The following CTNNA3 variants were observed in gnomAD, a reference collection of about 807,000 sequenced individuals.
CTNNA3 encodes catenin alpha 3, also known as catenin alpha-3.
CTNNA3 carries 76 observed loss-of-function variants against 95.7 expected under a neutral mutation model. That is an observed-to-expected ratio of 0.79 (90% CI 0.66 to 0.96). CTNNA3 has a LOEUF of 0.96. Ranked by LOEUF, CTNNA3 falls within the 40% of genes least tolerant of loss-of-function variation. CTNNA3 has a pLI of 0.00. For synonymous variants in CTNNA3, 431 were observed against 374.4 expected, an observed-to-expected ratio of 1.15 and a Z score of -1.74; for missense variants, 1,191 against 1,089.8, an observed-to-expected ratio of 1.09 and a Z score of -1.31.
At chr10:66,359,967 C>T (rs575206774) in intron 12 of CTNNA3, among the ~76,000 whole-genome samples, 1 of 152,010 alleles carries the variant, frequency 6.6e-6, no homozygotes, top group African/African-American at 2.4e-5. Flanking sequence ...GCTGGGATTA[C>T]AGGTGCATGC....
intron 1 of CTNNA3, among the ~76,000 whole-genome samples, chr10:67,759,030 T>G (rs1390047218): frequency 6.6e-6 from 1 of 152,164 alleles, no homozygotes; most frequent in Non-Finnish European, 1.5e-5. Flanking sequence ...CTGTAAGTAC[T>G]AACTAGGATA....
In CTNNA3 at chr10:66,778,039, C is replaced by A. The variant is rs190188776; in HGVS notation, c.1048-2515G>T. ...TCCCTAATTTCTACCCAGAGCTTAA[C>A]CCTAGTTTAAAATGTTTCACTGGGT... On this transcript the variant is annotated intron_variant, in intron 7 of 17. Transcript: ENST00000433211. Among the ~76,000 whole-genome samples the A allele has an allele frequency of 2.1e-3, 314 of 152,252 alleles. 2 individuals carry two copies. The highest frequency in any genetic ancestry group is 2.6e-3 in the Non-Finnish European group (176 of 68,016).
intron 5 of CTNNA3, among the ~76,000 whole-genome samples, chr10:67,409,493 C>T (rs377213048): frequency 2.6e-5 from 4 of 151,870 alleles, no homozygotes; most frequent in Non-Finnish European, 4.4e-5. Context: ...GAACAGAAAA[C>T]GAAACACCAT....
rs114518754 is a variant in CTNNA3, at chr10:66,503,056, C to T, written c.1531+17561G>A. ...TATTGGGACAGGTTGAACAAAAGTGCTCCTTAAAGAGATTTATCTTTCTCA... is the reference window on the plus strand; with the variant it reads ...TATTGGGACAGGTTGAACAAAAGTGTTCCTTAAAGAGATTTATCTTTCTCA... On this transcript the variant is annotated intron_variant, in intron 11 of 17. Transcript: ENST00000433211. Among the ~76,000 whole-genome samples the T allele has an allele frequency of 9.8e-3, 1,490 of 152,210 alleles. 35 individuals are homozygous for T. The highest frequency in any genetic ancestry group is 0.034 in the African/African-American group (1,399 of 41,526).
chr10:66,984,271 C>T (rs773967380), intron 7 of CTNNA3, among the ~76,000 whole-genome samples: 3 of 152,064 alleles, frequency 2.0e-5, no homozygotes, highest in Non-Finnish European at 2.9e-5. Flanking sequence ...AACCAGAAAT[C>T]CAGAAGATAG....
At chr10:67,112,466 T>C (rs1858953898) in intron 7 of CTNNA3, among the ~76,000 whole-genome samples, 1 of 152,172 alleles carries the variant, frequency 6.6e-6, no homozygotes, top group African/African-American at 2.4e-5. Context: ...AAAGTGGATC[T>C]TGTCAGCACT....
chr10:67,149,477 C>A (rs1043402707), intron 7 of CTNNA3, among the ~76,000 whole-genome samples: 3 of 152,052 alleles, frequency 2.0e-5, no homozygotes, highest in African/African-American at 7.2e-5. Flanking sequence ...CCCAGCTTCT[C>A]GGGAGGCTGA....
At chr10:67,450,971 C>A (rs188036016) in intron 5 of CTNNA3, among the ~76,000 whole-genome samples, 3 of 151,970 alleles carry the variant, frequency 2.0e-5, no homozygotes, top group Admixed American at 2.0e-4. Context: ...CCCCAAAGTT[C>A]ATGTGTTAGA....
chr10:66,917,818 T>C (rs1187716876), intron 7 of CTNNA3, among the ~76,000 whole-genome samples: 2 of 152,198 alleles, frequency 1.3e-5, no homozygotes, highest in South Asian at 2.1e-4. Flanking sequence ...GTGAAGTGGA[T>C]ATAGCAAAAT....
chr10:66,000,965 T>C (rs764708361), intron 15 of CTNNA3, among the ~76,000 whole-genome samples: 8 of 152,076 alleles, frequency 5.3e-5, no homozygotes, highest in Non-Finnish European at 1.2e-4. Flanking sequence ...ATTAAAATAT[T>C]AGAAGATCAC....
chr10:67,204,340 G>A (rs1863789610), intron 6 of CTNNA3, among the ~76,000 whole-genome samples: 1 of 151,516 alleles, frequency 6.6e-6, no homozygotes, highest in African/African-American at 2.4e-5. Flanking sequence ...GAGTTTTCAT[G>A]AGATCTGCTT....
At chr10:67,416,827 A>G (rs900374921) in intron 5 of CTNNA3, among the ~76,000 whole-genome samples, 4 of 152,158 alleles carry the variant, frequency 2.6e-5, no homozygotes, top group East Asian at 1.9e-4. Context: ...AGAAAAGGAA[A>G]TGCTTATACT....
intron 5 of CTNNA3, among the ~76,000 whole-genome samples, chr10:67,227,862 G>A (rs188047133): frequency 2.0e-4 from 31 of 152,080 alleles, no homozygotes; most frequent in Admixed American, 1.5e-3. Flanking sequence ...AGACCACAGT[G>A]GGAAAAAAAC....
chr10:66,283,425 A>G (rs1468640319), intron 12 of CTNNA3, among the ~76,000 whole-genome samples: 1 of 151,808 alleles, frequency 6.6e-6, no homozygotes, highest in Non-Finnish European at 1.5e-5. Flanking sequence ...AGTTCCCACC[A>G]TCTTCCTATG....
rs184320816 is a variant in CTNNA3, at chr10:66,630,753, C to T, written c.1282-8969G>A. Among the ~76,000 whole-genome samples, 87 of 152,202 alleles carry T rather than the reference C, an allele frequency of 5.7e-4. No individual in the cohort carries two copies. The South Asian group carries it at 6.6e-3, about 12-fold the overall frequency. ...CTAGTGAAGCAGCGCTGCTCTGCTT[C>T]CCTTGGTAGTAATAAGAAATGATTA... On this transcript the variant is annotated intron_variant, in intron 9 of 17. Transcript: ENST00000433211.
chr10:66,723,822 T>A (rs1485852729), intron 9 of CTNNA3, among the ~76,000 whole-genome samples: 1 of 152,090 alleles, frequency 6.6e-6, no homozygotes, highest in Non-Finnish European at 1.5e-5. Flanking sequence ...CAAGCCAAAA[T>A]CCAGGCAGTG....
chr10:66,502,077 A>G (rs189875964), intron 11 of CTNNA3, among the ~76,000 whole-genome samples: 250 of 152,310 alleles, frequency 1.6e-3, no homozygotes, highest in Non-Finnish European at 2.1e-3. Flanking sequence ...CACACTCACC[A>G]ACAAAACTGG....
intron 10 of CTNNA3, among the ~76,000 whole-genome samples, chr10:66,567,549 G>T (rs1288765787): frequency 1.3e-5 from 2 of 152,198 alleles, no homozygotes; most frequent in East Asian, 3.9e-4. Flanking sequence ...AGCCCAGGAA[G>T]TAGAGACTGC....
chr10:66,979,746 C>G (rs1850300602), intron 7 of CTNNA3, among the ~76,000 whole-genome samples: 1 of 152,154 alleles, frequency 6.6e-6, no homozygotes, highest in Non-Finnish European at 1.5e-5. Flanking sequence ...CTATAATCTA[C>G]TTTATCACTA....
Sources: gnomAD v4.1 joint callset for allele counts (sites outside exome capture counted in the v4.1 genomes callset) on GRCh38, gnomAD v4.1.1 for gene constraint, MANE v1.5 for transcripts, NCBI Gene and HGNC (gene_info 2026-07-23, HGNC 2026-07-21) for gene names.